The following ELAC1 variants were observed in gnomAD, a reference collection of about 807,000 sequenced individuals.
The protein encoded by ELAC1 is zinc phosphodiesterase ELAC protein 1.
A neutral mutation model predicts 25.8 loss-of-function variants in ELAC1; 19 were observed. The observed-to-expected ratio is 0.74, with a 90% confidence interval of 0.51 to 1.08. The LOEUF is 1.08. ELAC1 is among the 50% of genes least tolerant of loss of function. ELAC1 has a pLI of 0.00. For synonymous variants in ELAC1, 148 were observed against 160.9 expected, an observed-to-expected ratio of 0.92 and a Z score of 0.61; for missense variants, 403 against 434.6, an observed-to-expected ratio of 0.93 and a Z score of 0.65.
intron 2 of ELAC1, 118 bp downstream of exon 2, chr18:50,974,679 T>A: frequency 1.1e-6 from 1 of 937,200 alleles, no homozygotes; most frequent in Middle Eastern, 3.3e-4. Flanking sequence ...ACTTCAGTGC[T>A]ACACCCTGGT....
chr18:50,974,457 C>A lies in ELAC1; in HGVS notation c.53C>A (p.Thr18Asn). ...ACGGGTGCAGCATACCCATCTCCAA[C>A]CCGGGGTGCCTCTGCTGTGGTCCTT... ...LGTGAAYPSP[T>N]RGASAVVLRC... The change falls in exon 2 of 4, where the codon ACC becomes AAC. Residue 18 changes from threonine to asparagine, a missense_variant. Coordinates refer to ENST00000269466, the MANE Select transcript of ELAC1 (RefSeq NM_018696.3). The A allele has an allele frequency of 6.3e-7, 1 of 1,595,924 alleles. No homozygotes were observed. Among genetic ancestry groups the A allele is most frequent in the Non-Finnish European group, 8.5e-7 (1 of 1,171,218 alleles).
chr18:50,984,618 G>A, intron 3 of ELAC1, 55 bp downstream of exon 3: 5 of 1,239,784 alleles, frequency 4.0e-6, no homozygotes, highest in African/African-American at 1.5e-5. Context: ...TAGGGCTCCT[G>A]TTGACTGAAG....
At chr18:50,977,459 G>T (rs760866864) in intron 2 of ELAC1, among the ~76,000 whole-genome samples, 3 of 152,172 alleles carry the variant, frequency 2.0e-5, no homozygotes, top group Non-Finnish European at 4.4e-5. Flanking sequence ...TGAAGCAACC[G>T]CCTGAGCTGT....
intron 1 of ELAC1, among the ~76,000 whole-genome samples, chr18:50,973,449 C>G (rs1480837738): frequency 6.6e-6 from 1 of 152,182 alleles, no homozygotes. Flanking sequence ...TTGCTGATCA[C>G]TTAAAATAGC....
intron 2 of ELAC1, among the ~76,000 whole-genome samples, chr18:50,979,503 G>A (rs1422613440): frequency 6.6e-6 from 1 of 152,146 alleles, no homozygotes; most frequent in Admixed American, 6.5e-5. Context: ...ATGGGAGAAG[G>A]AGACTCTAGA....
At chr18:50,971,260 G>C (rs2144306697) in intron 1 of ELAC1, among the ~76,000 whole-genome samples, 1 of 152,256 alleles carries the variant, frequency 6.6e-6, no homozygotes, top group East Asian at 1.9e-4. Flanking sequence ...TTCTCCGAAA[G>C]CCTAATCGCA....
At chr18:50,974,313 AAGT>A in intron 1 of ELAC1, 81 bp from the exon 2 acceptor site, 1 of 1,287,986 alleles carries the variant, frequency 7.8e-7, no homozygotes, top group East Asian at 2.7e-5. Flanking sequence ...AATAACCAAA[AAGT>A]AATAATAGAG....
intron 1 of ELAC1, among the ~76,000 whole-genome samples, chr18:50,972,230 T>A (rs1450505583): frequency 6.6e-6 from 1 of 152,112 alleles, no homozygotes; most frequent in African/African-American, 2.4e-5. Context: ...GAACACGTTA[T>A]TGGATTTTTT....
At chr18:50,975,143 G>C (rs2144311110) in intron 2 of ELAC1, among the ~76,000 whole-genome samples, 1 of 152,248 alleles carries the variant, frequency 6.6e-6, no homozygotes, top group Admixed American at 6.5e-5. Flanking sequence ...GGCAGACCTG[G>C]GTTCTAGTCC....
chr18:50,972,338 T>A (rs79475911), intron 1 of ELAC1, among the ~76,000 whole-genome samples: 2,478 of 152,298 alleles, frequency 0.016, 69 homozygotes, highest in African/African-American at 0.056. Context: ...GCCAATTATG[T>A]CAGTGCCATT....
At chr18:50,970,977 C>T (rs1048850735) in intron 1 of ELAC1, among the ~76,000 whole-genome samples, 1 of 152,122 alleles carries the variant, frequency 6.6e-6, no homozygotes, top group Non-Finnish European at 1.5e-5. Flanking sequence ...CTTGTCATCC[C>T]TCCACAACAG....
In ELAC1 at chr18:50,980,762, C is replaced by T. The variant is rs557636206; in HGVS notation, c.158-3334C>T. ...TGGGTAACAGAGTGAGACTCCATCT[C>T]GAAAAAAAAAAAAAAAAAAAGAAAA... On this transcript the variant is annotated intron_variant, in intron 2 of 3. Coordinates refer to ENST00000269466, the MANE Select transcript of ELAC1 (RefSeq NM_018696.3). 2.8e-3 allele frequency among the ~76,000 whole-genome samples: 342 copies of T among 120,440 alleles called. 6 individuals are homozygous for T. The highest frequency in any genetic ancestry group is 0.027 in the Middle Eastern group (5 of 182). 79.0% of individuals were successfully genotyped at this position (120,440 alleles called of 152,430 possible).
chr18:50,980,763 G>GAAAAAAAAAAAA, intron 2 of ELAC1, among the ~76,000 whole-genome samples: 1 of 67,842 alleles, frequency 1.5e-5, no homozygotes, highest in Non-Finnish European at 3.3e-5. Context: ...ACTCCATCTC[G>GAAAAAAAAAAAA]AAAAAAAAAA....
At position 50,986,743 on chromosome 18, in the gene ELAC1, A is replaced by G. The variant is rs1318290720; in HGVS notation, c.750A>G (p.Ile250Met). The change falls in exon 4 of 4, where the codon ATA (isoleucine) becomes ATG (methionine). Residue 250 changes from isoleucine (I) to methionine (M), a missense_variant. Ile to Met is a conservative substitution (Grantham distance 10). Transcript: ENST00000269466. ...CTATTGTTGGAAGAAAAATCTGCAT[A>G]TTGGGTGACTGCTCTGGGGTTGTGG... ...KKPIVGRKIC[I>M]LGDCSGVVGD... 2 of 1,614,082 alleles carry G rather than the reference A, an allele frequency of 1.2e-6. No homozygotes were observed. The highest frequency in any genetic ancestry group is 2.7e-5 in the African/African-American group (2 of 74,934).
chr18:50,980,623 C>T (rs1038496989), intron 2 of ELAC1, among the ~76,000 whole-genome samples: 24 of 151,438 alleles, frequency 1.6e-4, no homozygotes, highest in Admixed American at 9.9e-4. Context: ...ATTAGCTGGG[C>T]GTGGTGGCGG....
chr18:50,978,227 C>T (rs1439550567), intron 2 of ELAC1, among the ~76,000 whole-genome samples: 1 of 152,170 alleles, frequency 6.6e-6, no homozygotes, highest in Non-Finnish European at 1.5e-5. Context: ...AAAGTCACTT[C>T]CACATTTTCA....
At chr18:50,976,564 TC>T (rs1208480963) in intron 2 of ELAC1, among the ~76,000 whole-genome samples, 1 of 152,088 alleles carries the variant, frequency 6.6e-6, no homozygotes, top group African/African-American at 2.4e-5. Flanking sequence ...TTCAATTACT[TC>T]CCACTGGGTC....
rs1051766557 is a variant in ELAC1 at position 50,988,044 on chromosome 18, T to G, written c.*959T>G. On this transcript the variant is annotated 3_prime_UTR_variant, in exon 4 of 4. Coordinates refer to ENST00000269466, the MANE Select transcript of ELAC1 (RefSeq NM_018696.3). ...AGCCATTAAGTGAAGCTTATGAACC[T>G]GGAGGTAAAAAATGCTTATCTGTTA... The G allele has an allele frequency of 6.6e-6, 1 of 152,212 alleles. No individual in the cohort carries two copies. The highest frequency in any genetic ancestry group is 1.5e-5 in the Non-Finnish European group (1 of 68,034). 9.4% of individuals were successfully genotyped at this position (152,212 alleles called of 1,614,324 possible).
At position 50,987,141 on chromosome 18, in the gene ELAC1, A is replaced by G; in HGVS notation, c.*56A>G. ...TCTGTGAATATGTTACTGAACCTAT[A>G]GTCCAGTTTTTTTATTTCTTGTTTT... On this transcript the variant is annotated 3_prime_UTR_variant, in exon 4 of 4. Transcript: ENST00000269466. 1 of 1,250,668 alleles carries G rather than the reference A, an allele frequency of 8.0e-7. No individual in the cohort carries two copies. Among genetic ancestry groups the G allele is most frequent in the South Asian group, 2.2e-5 (1 of 45,884 alleles). 77.5% of individuals were successfully genotyped at this position (1,250,668 alleles called of 1,614,324 possible). A position where few individuals can be genotyped will look rare whatever the true frequency, so the allele number is the denominator to read the frequency against.
Sources: allele counts gnomAD v4.1 joint callset (sites outside exome capture counted in the v4.1 genomes callset), GRCh38; gene constraint gnomAD v4.1.1; transcripts MANE v1.5; gene names NCBI Gene and HGNC (gene_info 2026-07-23, HGNC 2026-07-21).